Variants in GRM7 observed in about 807,000 individuals in gnomAD.
The protein encoded by GRM7 is metabotropic glutamate receptor 7.
A neutral mutation model predicts 84.5 loss-of-function variants in GRM7; 35 were observed. The ratio of observed to expected loss-of-function variants is 0.41; its 90% CI spans 0.32 to 0.55. The LOEUF is 0.55. Ranked by LOEUF, GRM7 falls within the 20% of genes least tolerant of loss-of-function variation. GRM7 has a pLI of 0.19. For missense variants in GRM7, 1,003 were observed against 1,194.6 expected, an observed-to-expected ratio of 0.84 and a Z score of 2.36; for synonymous variants, 487 against 455.1, an observed-to-expected ratio of 1.07 and a Z score of -0.89.
chr3:7,216,171 T>G (rs1230866786), intron 2 of GRM7, among the ~76,000 whole-genome samples: 2 of 152,220 alleles, frequency 1.3e-5, no homozygotes, highest in African/African-American at 2.4e-5. Flanking sequence ...TTTCTGTCAC[T>G]TCAGTAGGAA....
intron 8 of GRM7, among the ~76,000 whole-genome samples, chr3:7,664,373 T>C (rs1699591278): frequency 6.6e-6 from 1 of 152,182 alleles, no homozygotes. Flanking sequence ...CTCATTCTGA[T>C]ATGGGTATTT....
At chr3:7,384,686 T>A (rs761977470) in intron 4 of GRM7, among the ~76,000 whole-genome samples, 15 of 152,314 alleles carry the variant, frequency 9.8e-5, no homozygotes, top group Admixed American at 3.3e-4. Flanking sequence ...CTTAAGTTGA[T>A]CAAGACACGT....
chr3:7,453,753 A>G (rs539301956), intron 6 of GRM7, among the ~76,000 whole-genome samples: 9 of 152,206 alleles, frequency 5.9e-5, no homozygotes, highest in Non-Finnish European at 1.0e-4. Flanking sequence ...CATGATCGAC[A>G]ACCACGAAGA....
At chr3:7,030,964 A>C (rs1338771700) in intron 1 of GRM7, among the ~76,000 whole-genome samples, 1 of 152,206 alleles carries the variant, frequency 6.6e-6, no homozygotes, top group Non-Finnish European at 1.5e-5. Flanking sequence ...CAAATCTTGG[A>C]ATAGATGAAA....
chr3:7,068,251 C>CTA (rs5846485), intron 1 of GRM7, among the ~76,000 whole-genome samples: 17,991 of 151,884 alleles, frequency 0.12, 1,622 homozygotes, highest in African/African-American at 0.25. Flanking sequence ...AAAATGATAG[C>CTA]TATATAGGAC....
chr3:6,997,154 C>CT (rs1383610178), intron 1 of GRM7, among the ~76,000 whole-genome samples: 7 of 151,566 alleles, frequency 4.6e-5, no homozygotes, highest in African/African-American at 7.3e-5. Context: ...TATTTCTTTT[C>CT]TTTTTTTTAA....
At chr3:7,430,487 A>G (rs1021626132) in intron 5 of GRM7, among the ~76,000 whole-genome samples, 17 of 152,270 alleles carry the variant, frequency 1.1e-4, no homozygotes, top group African/African-American at 3.9e-4. Context: ...CAGAGAAGAT[A>G]TGGAGGAGCC....
intron 1 of GRM7, among the ~76,000 whole-genome samples, chr3:6,942,273 G>A (rs964793354): frequency 4.0e-5 from 6 of 151,772 alleles, no homozygotes; most frequent in African/African-American, 1.5e-4. Flanking sequence ...ATATCTAAAG[G>A]GCTTATTTTT....
At chr3:7,266,684 A>G (rs191082917) in intron 2 of GRM7, among the ~76,000 whole-genome samples, 2 of 152,316 alleles carry the variant, frequency 1.3e-5, no homozygotes, top group African/African-American at 4.8e-5. Context: ...ATATAAATTT[A>G]CTATAACCCA....
chr3:7,656,081 T>C (rs959173824), intron 8 of GRM7, among the ~76,000 whole-genome samples: 2 of 152,198 alleles, frequency 1.3e-5, no homozygotes, highest in Non-Finnish European at 2.9e-5. Flanking sequence ...TAATAGCAAC[T>C]TGAAGAGAGA....
intron 2 of GRM7, among the ~76,000 whole-genome samples, chr3:7,176,886 A>G (rs1030371899): frequency 6.6e-6 from 1 of 152,232 alleles, no homozygotes; most frequent in Non-Finnish European, 1.5e-5. Context: ...TGTCATGCAA[A>G]GTCCTAGGAG....
chr3:7,104,712 G>T (rs59603152), intron 1 of GRM7, among the ~76,000 whole-genome samples: 4,156 of 151,582 alleles, frequency 0.027, 185 homozygotes, highest in African/African-American at 0.096. Flanking sequence ...CATCAAGCCC[G>T]GTGAAAACAT....
At chr3:7,249,999 C>A (rs770144745) in intron 2 of GRM7, among the ~76,000 whole-genome samples, 1 of 152,162 alleles carries the variant, frequency 6.6e-6, no homozygotes, top group Non-Finnish European at 1.5e-5. Context: ...ACATGGGCAT[C>A]CTTATGCTCC....
intron 2 of GRM7, among the ~76,000 whole-genome samples, chr3:7,270,048 C>T (rs546273362): frequency 1.1e-3 from 171 of 152,340 alleles, no homozygotes; most frequent in African/African-American, 4.0e-3. Flanking sequence ...GTCCCACGCC[C>T]AGAGTTTCTG....
chr3:7,269,288 T>A (rs1042939218), intron 2 of GRM7, among the ~76,000 whole-genome samples: 1 of 152,194 alleles, frequency 6.6e-6, no homozygotes. Flanking sequence ...GCCAAAGTGG[T>A]CACTCTCTTG....
chr3:7,689,724 A>T (rs162784), intron 9 of GRM7, among the ~76,000 whole-genome samples: 1 of 152,160 alleles, frequency 6.6e-6, no homozygotes, highest in Non-Finnish European at 1.5e-5. Context: ...AGTCACAAAA[A>T]CTATGTCAAG....
At chr3:7,558,562 T>G (rs1288158542) in intron 7 of GRM7, among the ~76,000 whole-genome samples, 1 of 152,132 alleles carries the variant, frequency 6.6e-6, no homozygotes, top group East Asian at 1.9e-4. Context: ...ATTATTATGC[T>G]CAGAAAGTTT....
chr3:7,156,994 G>A (rs1694471730), intron 2 of GRM7, among the ~76,000 whole-genome samples: 2 of 152,014 alleles, frequency 1.3e-5, no homozygotes, highest in Admixed American at 1.3e-4. Flanking sequence ...AGATTATTAG[G>A]CAATGCAAAA....
At chr3:6,979,729 T>C (rs932769475) in intron 1 of GRM7, among the ~76,000 whole-genome samples, 2 of 152,202 alleles carry the variant, frequency 1.3e-5, no homozygotes, top group Non-Finnish European at 2.9e-5. Flanking sequence ...TAAAAATGGG[T>C]TGGTGGAAAA....
Sources: gnomAD v4.1 joint callset for allele counts (sites outside exome capture counted in the v4.1 genomes callset) on GRCh38, gnomAD v4.1.1 for gene constraint, MANE v1.5 for transcripts, NCBI Gene and HGNC (gene_info 2026-07-23, HGNC 2026-07-21) for gene names.